Variants in LMBRD1 observed in about 807,000 individuals in gnomAD.
LMBRD1 encodes the protein LMBR1 domain containing 1.
A neutral mutation model predicts 74.8 loss-of-function variants in LMBRD1; 64 were observed. The ratio of observed to expected loss-of-function variants is 0.86; its 90% CI spans 0.70 to 1.05. The LOEUF (loss-of-function observed/expected upper bound fraction) is 1.05, where lower values mean the gene tolerates loss of function less well. Ranked by LOEUF, LMBRD1 falls within the 50% of genes least tolerant of loss-of-function variation. The probability of loss-of-function intolerance (pLI) is 0.00; values close to 1 mark genes in which losing one functional copy is unlikely to be tolerated. For synonymous variants in LMBRD1, 204 were observed against 216.3 expected, an observed-to-expected ratio of 0.94 and a Z score of 0.50; for missense variants, 652 against 645.9, an observed-to-expected ratio of 1.01 and a Z score of -0.10.
In LMBRD1 at chr6:69,674,966, T is replaced by G. The variant is rs180903665; in HGVS notation, c.*1192A>C. ...CCAGCCTGGGCGACAAGAGTGAAACTCCATCTTAAAAAAAAAGAAAAAAGA... is the reference window on the plus strand; with the variant it reads ...CCAGCCTGGGCGACAAGAGTGAAACGCCATCTTAAAAAAAAAGAAAAAAGA... On this transcript the variant is annotated 3_prime_UTR_variant, in exon 16 of 16. Transcript: ENST00000649934. Among the ~76,000 whole-genome samples, 63 of 151,260 alleles carry G rather than the reference T, an allele frequency of 4.2e-4. No individual in the cohort carries two copies. Among genetic ancestry groups the G allele is most frequent in the South Asian group, 2.1e-3 (10 of 4,796 alleles).
At chr6:69,732,489 C>G (rs1766879822) in intron 7 of LMBRD1, among the ~76,000 whole-genome samples, 1 of 152,058 alleles carries the variant, frequency 6.6e-6, no homozygotes, top group African/African-American at 2.4e-5. Flanking sequence ...GTTGTTTGAG[C>G]CACCCAGTCT....
At chr6:69,697,209 T>C (rs1276469546) in intron 14 of LMBRD1, among the ~76,000 whole-genome samples, 1 of 152,022 alleles carries the variant, frequency 6.6e-6, no homozygotes, top group Non-Finnish European at 1.5e-5. Context: ...TTAAAAATTG[T>C]TCTAGGTCAT....
intron 7 of LMBRD1, among the ~76,000 whole-genome samples, chr6:69,728,280 G>A (rs748498415): frequency 1.2e-4 from 18 of 152,080 alleles, no homozygotes; most frequent in Non-Finnish European, 2.1e-4. Context: ...ACACTACCCC[G>A]ATGATCCAAT....
At chr6:69,780,847 T>C (rs1270329134) in intron 2 of LMBRD1, among the ~76,000 whole-genome samples, 1 of 151,974 alleles carries the variant, frequency 6.6e-6, no homozygotes, top group African/African-American at 2.4e-5. Flanking sequence ...GGGAGAATGA[T>C]CTCAGGGAAA....
At chr6:69,719,318 C>T (rs1766565020) in intron 7 of LMBRD1, among the ~76,000 whole-genome samples, 1 of 151,996 alleles carries the variant, frequency 6.6e-6, no homozygotes. Flanking sequence ...TGCAAATTTA[C>T]TGTAAATTTA....
intron 14 of LMBRD1, among the ~76,000 whole-genome samples, chr6:69,679,950 T>A (rs894499645): frequency 6.6e-6 from 1 of 152,126 alleles, no homozygotes; most frequent in South Asian, 2.1e-4. Context: ...TGGTTGCAAG[T>A]CTTAAGATTT....
chr6:69,768,861 TTTTCA>T (rs1382692922), intron 3 of LMBRD1, among the ~76,000 whole-genome samples: 2 of 152,076 alleles, frequency 1.3e-5, no homozygotes, highest in African/African-American at 4.8e-5. Flanking sequence ...TTTTTTTTTC[TTTTCA>T]TTTTAGTGCC....
At chr6:69,701,827 C>A in intron 10 of LMBRD1, 62 bp downstream of exon 10, 2 of 1,186,248 alleles carry the variant, frequency 1.7e-6, no homozygotes, top group Non-Finnish European at 2.5e-6. Context: ...CATTCAGCAA[C>A]AAAATGTATA....
intron 3 of LMBRD1, among the ~76,000 whole-genome samples, chr6:69,757,370 G>A (rs974435448): frequency 4.6e-5 from 7 of 152,124 alleles, no homozygotes; most frequent in Admixed American, 4.6e-4. Context: ...TCAACATCTG[G>A]GGAAATGAAG....
chr6:69,728,299 A>C (rs1176379100), intron 7 of LMBRD1, among the ~76,000 whole-genome samples: 1 of 152,166 alleles, frequency 6.6e-6, no homozygotes, highest in Non-Finnish European at 1.5e-5. Context: ...ATCACTTCCC[A>C]CCAGGCCACA....
chr6:69,748,040 A>C (rs139635813), intron 5 of LMBRD1, among the ~76,000 whole-genome samples: 2,462 of 152,288 alleles, frequency 0.016, 54 homozygotes, highest in African/African-American at 0.055. Flanking sequence ...AAAGATTTGT[A>C]GTTTTATTGA....
chr6:69,791,396 A>G (rs1419647881), intron 1 of LMBRD1, among the ~76,000 whole-genome samples: 5 of 152,196 alleles, frequency 3.3e-5, no homozygotes, highest in African/African-American at 4.8e-5. Flanking sequence ...TTCAGCCTTC[A>G]CTGTGAGTCA....
intron 1 of LMBRD1, among the ~76,000 whole-genome samples, chr6:69,793,657 A>G (rs1003554625): frequency 6.6e-6 from 1 of 152,120 alleles, no homozygotes; most frequent in African/African-American, 2.4e-5. Context: ...ATGTGTGAAG[A>G]AACTGAAGTC....
At chr6:69,691,625 C>T (rs1206079120) in intron 14 of LMBRD1, among the ~76,000 whole-genome samples, 1 of 151,888 alleles carries the variant, frequency 6.6e-6, no homozygotes, top group Non-Finnish European at 1.5e-5. Flanking sequence ...GCCTGTAATC[C>T]CAGCACTTTG....
At chr6:69,752,393 A>G (rs1206638497) in intron 3 of LMBRD1, 37 bp from the exon 4 acceptor site, 9 of 1,500,566 alleles carry the variant, frequency 6.0e-6, no homozygotes, top group Non-Finnish European at 8.3e-6. Flanking sequence ...TTTACTAAAT[A>G]CATATGTACT....
At chr6:69,736,577 A>G (rs181971079) in intron 7 of LMBRD1, among the ~76,000 whole-genome samples, 4 of 152,338 alleles carry the variant, frequency 2.6e-5, no homozygotes, top group African/African-American at 7.2e-5. Context: ...TGACATTGAC[A>G]TTACATACTG....
chr6:69,707,948 T>C (rs1334166991), intron 9 of LMBRD1, among the ~76,000 whole-genome samples: 2 of 152,150 alleles, frequency 1.3e-5, no homozygotes, highest in South Asian at 2.1e-4. Context: ...CCTAAAAATA[T>C]TCCAAATCAT....
chr6:69,784,774 C>G (rs958842821), intron 2 of LMBRD1, among the ~76,000 whole-genome samples: 1 of 152,182 alleles, frequency 6.6e-6, no homozygotes, highest in African/African-American at 2.4e-5. Flanking sequence ...TACACCCAAC[C>G]CTTTCACTTT....
At chr6:69,715,793 G>GGC (rs1305853197) in intron 8 of LMBRD1, among the ~76,000 whole-genome samples, 1 of 151,920 alleles carries the variant, frequency 6.6e-6, no homozygotes, top group Non-Finnish European at 1.5e-5. Flanking sequence ...CCCTCCAGTG[G>GGC]GCCCTAGTAT....
Sources: gnomAD v4.1 joint callset for allele counts (sites outside exome capture counted in the v4.1 genomes callset) on GRCh38, gnomAD v4.1.1 for gene constraint, MANE v1.5 for transcripts, NCBI Gene and HGNC (gene_info 2026-07-23, HGNC 2026-07-21) for gene names.